GRM3: variants seen among roughly 807,000 people sequenced by gnomAD.
The protein encoded by GRM3 is glutamate metabotropic receptor 3.
Under a neutral mutation model 70.5 loss-of-function variants are expected in GRM3, and 26 were observed. The observed-to-expected ratio is 0.37, with a 90% CI of 0.27 to 0.51. The LOEUF is 0.51. GRM3 is among the 20% of genes least tolerant of loss of function. The probability of loss-of-function intolerance (pLI) is 0.93; values close to 1 mark genes in which losing one functional copy is unlikely to be tolerated. For synonymous variants in GRM3, 443 were observed against 434.9 expected, an observed-to-expected ratio of 1.02 and a Z score of -0.23; for missense variants, 859 against 1,123.8, an observed-to-expected ratio of 0.76 and a Z score of 3.37.
rs184182299 is a variant in GRM3, at chr7:86,801,511, T to C, written c.1324+14395T>C. ...TGTGGGCAATGGTGACATATGTACA[T>C]AGAAAAAAACAACACAATGCTATAA... On this transcript the variant is annotated intron_variant, in intron 3 of 5. Coordinates refer to ENST00000361669, the MANE Select transcript of GRM3 (RefSeq NM_000840.3). 5.3e-4 allele frequency among the ~76,000 whole-genome samples: 80 copies of C among 152,228 alleles called. No individual in the cohort carries two copies. The East Asian group carries it at 0.01, about 19-fold the overall frequency.
intron 3 of GRM3, among the ~76,000 whole-genome samples, chr7:86,831,295 C>T (rs750581114): frequency 6.6e-6 from 1 of 152,056 alleles, no homozygotes; most frequent in African/African-American, 2.4e-5. Context: ...TCATGATAAC[C>T]CACTTTTTCA....
intron 1 of GRM3, among the ~76,000 whole-genome samples, chr7:86,751,452 C>T (rs991802661): frequency 6.6e-6 from 1 of 152,068 alleles, no homozygotes; most frequent in Non-Finnish European, 1.5e-5. Flanking sequence ...GGGCCTGGCA[C>T]ATAATAGACA....
chr7:86,709,736 G>T (rs765931222), intron 1 of GRM3, among the ~76,000 whole-genome samples: 3 of 152,046 alleles, frequency 2.0e-5, no homozygotes, highest in Non-Finnish European at 2.9e-5. Context: ...TCTATAAATT[G>T]TACAGATCTA....
intron 3 of GRM3, among the ~76,000 whole-genome samples, chr7:86,822,314 G>C (rs185426455): frequency 6.6e-6 from 1 of 152,192 alleles, no homozygotes; most frequent in East Asian, 1.9e-4. Context: ...GTGATAAGAA[G>C]ATAGTAATAA....
At chr7:86,748,322 A>T (rs898697609) in intron 1 of GRM3, among the ~76,000 whole-genome samples, 7 of 152,010 alleles carry the variant, frequency 4.6e-5, no homozygotes, top group African/African-American at 1.7e-4. Flanking sequence ...AATATTGTCT[A>T]ATGAAAGGAA....
At chr7:86,787,912 G>A (rs530338029) in intron 3 of GRM3, among the ~76,000 whole-genome samples, 13 of 152,218 alleles carry the variant, frequency 8.5e-5, no homozygotes, top group Middle Eastern at 3.4e-3. Context: ...GCATTACTAC[G>A]TAAAAAGCAC....
intron 3 of GRM3, among the ~76,000 whole-genome samples, chr7:86,799,399 G>A (rs1453878237): frequency 6.6e-6 from 1 of 150,590 alleles, no homozygotes; most frequent in Non-Finnish European, 1.5e-5. Flanking sequence ...GATAGGAGTA[G>A]AGAGAGAGGG....
At chr7:86,807,894 C>T (rs1335117708) in intron 3 of GRM3, among the ~76,000 whole-genome samples, 1 of 152,114 alleles carries the variant, frequency 6.6e-6, no homozygotes. Context: ...TCATAAATAG[C>T]TCTTATTATT....
chr7:86,850,743 T>C (rs1798741163), intron 5 of GRM3, among the ~76,000 whole-genome samples, 199 bp downstream of exon 5: 2 of 152,126 alleles, frequency 1.3e-5, no homozygotes, highest in African/African-American at 4.8e-5. Flanking sequence ...AAGTTTCTGT[T>C]TGGGCAGCAC....
At chr7:86,807,465 C>T (rs1432756519) in intron 3 of GRM3, among the ~76,000 whole-genome samples, 1 of 150,434 alleles carries the variant, frequency 6.6e-6, no homozygotes, top group Non-Finnish European at 1.5e-5. Context: ...CTTCACATCC[C>T]TTATAAGTTG....
At chr7:86,685,906 CAAA>C (rs71117516) in intron 1 of GRM3, among the ~76,000 whole-genome samples, 8 of 74,358 alleles carry the variant, frequency 1.1e-4, no homozygotes, top group Admixed American at 1.6e-4. Flanking sequence ...ACTCTGTCTC[CAAA>C]AAAAAAAAAA....
rs781677093 is a variant in GRM3 at position 86,839,790 on chromosome 7, G to A, written c.2276G>A (p.Arg759Gln). ...ILCTVYAFKT[R>Q]KCPENFNEAK... ...TGCACTGTGTACGCCTTCAAAACGC[G>A]GAAGTGCCCAGAAAATTTCAACGAA... is the stretch of plus-strand genomic sequence containing the variant. The change falls in exon 4 of 6, where the codon CGG becomes CAG. Residue 759 changes from arginine (R) to glutamine (Q), a missense_variant. Physicochemically the swap from Arg to Gln is conservative, Grantham distance 43. Transcript: ENST00000361669. This position sits in a 1 kb window ranked among gnomAD's most constrained non-coding sequence, Gnocchi z 4.5. The A allele has an allele frequency of 2.4e-5, 39 of 1,613,740 alleles. No homozygotes were observed. The highest frequency in any genetic ancestry group is 1.1e-4 in the East Asian group (5 of 44,894).
chr7:86,774,826 G>A (rs1226439359), intron 2 of GRM3, among the ~76,000 whole-genome samples: 1 of 152,060 alleles, frequency 6.6e-6, no homozygotes. Flanking sequence ...AACAGATGTG[G>A]TTGAACAAAT....
intron 3 of GRM3, among the ~76,000 whole-genome samples, chr7:86,796,954 T>C (rs1797565302): frequency 6.6e-6 from 1 of 152,252 alleles, no homozygotes; most frequent in Non-Finnish European, 1.5e-5. Context: ...GTGAATGTTC[T>C]CTTGCCTGCT....
At chr7:86,754,273 A>G (rs949843474) in intron 1 of GRM3, among the ~76,000 whole-genome samples, 2 of 152,132 alleles carry the variant, frequency 1.3e-5, no homozygotes, top group Non-Finnish European at 2.9e-5. Flanking sequence ...CTACAATTCC[A>G]TGATTAAAAA....
At chr7:86,707,523 G>T (rs1795087345) in intron 1 of GRM3, among the ~76,000 whole-genome samples, 1 of 151,984 alleles carries the variant, frequency 6.6e-6, no homozygotes, top group Non-Finnish European at 1.5e-5. Flanking sequence ...CAAGTTATCT[G>T]ACATCAACTT....
intron 3 of GRM3, among the ~76,000 whole-genome samples, chr7:86,798,984 TA>T (rs59797454): frequency 0.11 from 17,169 of 152,210 alleles, 1,516 homozygotes; most frequent in African/African-American, 0.24. Context: ...CTTTCCTTTA[TA>T]AATTACCTAG....
At chr7:86,777,874 C>A (rs982710422) in intron 2 of GRM3, among the ~76,000 whole-genome samples, 1 of 152,078 alleles carries the variant, frequency 6.6e-6, no homozygotes, top group Non-Finnish European at 1.5e-5. Flanking sequence ...CTTGAACAAG[C>A]TGAATAGGAG....
At chr7:86,738,747 T>G (rs1448543642) in intron 1 of GRM3, among the ~76,000 whole-genome samples, 3 of 152,160 alleles carry the variant, frequency 2.0e-5, no homozygotes, top group Non-Finnish European at 1.5e-5. Context: ...AAAATGAAAT[T>G]GAAGTTTAAA....
Sources: gnomAD v4.1 joint callset for allele counts (sites outside exome capture counted in the v4.1 genomes callset) on GRCh38, gnomAD v4.1.1 for gene constraint, Gnocchi (gnomAD v3.1) non-coding constraint, MANE v1.5 for transcripts, NCBI Gene and HGNC (gene_info 2026-07-23, HGNC 2026-07-21) for gene names.